Variants in QTRT2 observed in about 807,000 individuals in gnomAD.
QTRT2 encodes queuine tRNA-ribosyltransferase domain containing 1.
A neutral mutation model predicts 44.8 loss-of-function variants in QTRT2; 32 were observed. The ratio of observed to expected loss-of-function variants is 0.71; its 90% CI spans 0.54 to 0.96. The LOEUF (loss-of-function observed/expected upper bound fraction) is 0.96, where lower values mean the gene tolerates loss of function less well. Ranked by LOEUF, QTRT2 falls within the 40% of genes least tolerant of loss-of-function variation. The pLI is 0.00. For synonymous variants in QTRT2, 182 were observed against 187.4 expected (o/e 0.97, Z 0.24); for missense variants, 461 against 503.1 (o/e 0.92, Z 0.80).
Position 114,056,737 on chromosome 3 carries a change from A to T in QTRT2, c.-257A>T. On this transcript the variant is annotated 5_prime_UTR_variant, in exon 1 of 10. Transcript: ENST00000281273. ...TTTTTCTGGCGCCCAGTGATGACGC[A>T]GTACTCCCTGATTGGCTCTGCACTG... 5.8e-6 allele frequency: 8 copies of T among 1,388,344 alleles called. No individual in the cohort carries two copies. Among genetic ancestry groups the T allele is most frequent in the Non-Finnish European group, 6.8e-6 (7 of 1,030,754 alleles). 86.0% of individuals were successfully genotyped at this position (1,388,344 alleles called of 1,614,324 possible).
Position 114,085,849 on chromosome 3 carries a change from T to C in QTRT2, c.1193T>C (p.Leu398Pro), listed in dbSNP as rs1323536761. ...FGFFHYIREALKSDKLAQLKE... is the reference protein window; with the variant it reads ...FGFFHYIREAPKSDKLAQLKE... ...TTTTTCCATTACATCCGGGAAGCACTAAAAAGTGACAAACTGGCACAGTTG... is the reference window on the plus strand; with the variant it reads ...TTTTTCCATTACATCCGGGAAGCACCAAAAAGTGACAAACTGGCACAGTTG... Residue 398 changes from leucine to proline, a missense_variant, in exon 10 of 10, where the codon CTA (leucine) becomes CCA (proline). Physicochemically the swap from Leu to Pro is moderately conservative, Grantham distance 98. Transcript: ENST00000281273. The C allele has an allele frequency of 3.1e-6, 5 of 1,614,156 alleles. No individual in the cohort carries two copies. The highest frequency in any genetic ancestry group is 4.2e-6 in the Non-Finnish European group (5 of 1,180,032).
intron 5 of QTRT2, among the ~76,000 whole-genome samples, chr3:114,069,818 T>C (rs1372430960): frequency 6.6e-5 from 10 of 152,290 alleles, no homozygotes; most frequent in African/African-American, 2.4e-4. Flanking sequence ...GATAGAATAT[T>C]ACTAATATAT....
At chr3:114,063,556 G>T (rs2076915018) in intron 2 of QTRT2, among the ~76,000 whole-genome samples, 1 of 151,844 alleles carries the variant, frequency 6.6e-6, no homozygotes, top group Non-Finnish European at 1.5e-5. Flanking sequence ...GGGTTCTAAT[G>T]ACACTTATTT....
intron 2 of QTRT2, among the ~76,000 whole-genome samples, chr3:114,062,285 C>G (rs1025211156): frequency 4.8e-5 from 7 of 145,622 alleles, no homozygotes; most frequent in Non-Finnish European, 8.9e-5. Context: ...GGGAAGGTTA[C>G]TTGAGCCTGG....
intron 3 of QTRT2, 22 bp from the exon 4 acceptor site, chr3:114,066,206 T>G (rs573837961): frequency 1.3e-6 from 2 of 1,555,026 alleles, no homozygotes; most frequent in South Asian, 2.2e-5. Context: ...TTATGTTATG[T>G]ATTTTTCTGT....
At chr3:114,075,827 ACCTTTT>A (rs898636927) in intron 6 of QTRT2, among the ~76,000 whole-genome samples, 87 of 152,182 alleles carry the variant, frequency 5.7e-4, no homozygotes, top group African/African-American at 2.0e-3. Context: ...AAACTTGTCA[ACCTTTT>A]CCTGTAAGCT....
rs1398008689 is a variant in QTRT2, at chr3:114,071,459, C to T, written c.546+621C>T. Among the ~76,000 whole-genome samples the T allele has an allele frequency of 5.9e-5, 9 of 152,028 alleles. No homozygotes were observed. The East Asian group carries it at 7.7e-4, about 13-fold the overall frequency. ...TATTACAGGCATGCACCATCACACC[C>T]GGCTAATTTTTGTATTTTTAGTAGA... On this transcript the variant is annotated intron_variant, in intron 6 of 9. Coordinates refer to ENST00000281273, the MANE Select transcript of QTRT2 (RefSeq NM_024638.4).
rs983939800 is a variant in QTRT2, at chr3:114,057,975, A to G, written c.-22+869A>G. Among the ~76,000 whole-genome samples, 21 of 152,220 alleles carry G rather than the reference A, an allele frequency of 1.4e-4. No homozygotes were observed. In the South Asian group the frequency reaches 1.7e-3, roughly 12 times the overall value. ...GGAACTTCTAATAAGCTCCCAGCCT[A>G]TTAGAGTACAGCGCTGAAAACTAGA... On this transcript the variant is annotated intron_variant, in intron 2 of 9. Transcript: ENST00000281273.
chr3:114,065,487 C>G lies in QTRT2; in HGVS notation c.200+30C>G, dbSNP rs377097984. On this transcript the variant is annotated intron_variant, in intron 3 of 9. Coordinates refer to ENST00000281273, the MANE Select transcript of QTRT2 (RefSeq NM_024638.4). ...GTGTTAGAACCAATGATTCAAGTAT[C>G]AACTGTGGCAGCAGCTTAGTTACCT... 7 of 1,545,292 alleles carry G rather than the reference C, an allele frequency of 4.5e-6. No homozygotes were observed. The African/African-American group carries it at 9.5e-5, about 21-fold the overall frequency.
chr3:114,080,336 T>G (rs1162774440), intron 8 of QTRT2, among the ~76,000 whole-genome samples: 1 of 152,008 alleles, frequency 6.6e-6, no homozygotes, highest in Non-Finnish European at 1.5e-5. Flanking sequence ...ACATTCAGAG[T>G]GAATTGTGAT....
intron 2 of QTRT2, among the ~76,000 whole-genome samples, chr3:114,063,312 A>G (rs1322142827): frequency 6.6e-6 from 1 of 152,226 alleles, no homozygotes; most frequent in African/African-American, 2.4e-5. Context: ...AAAATATAAA[A>G]TACATTTTTA....
At position 114,085,956 on chromosome 3, in the gene QTRT2, T is replaced by C; in HGVS notation, c.*52T>C. 1 of 1,310,896 alleles carries C rather than the reference T, an allele frequency of 7.6e-7. No homozygotes were observed. The highest frequency in any genetic ancestry group is 1.1e-6 in the Non-Finnish European group (1 of 904,608). The allele number at this position is 1,310,896 out of a possible 1,614,324, so 81.2% of individuals were successfully genotyped here. A position where few individuals can be genotyped will look rare whatever the true frequency, so the allele number is the denominator to read the frequency against. On this transcript the variant is annotated 3_prime_UTR_variant, in exon 10 of 10. Coordinates refer to ENST00000281273, the MANE Select transcript of QTRT2 (RefSeq NM_024638.4). ...TCACACTGAGCCTGTACCACTGTTG[T>C]AACATGGGAAGACGTGAAGAAGAAA...
intron 2 of QTRT2, among the ~76,000 whole-genome samples, chr3:114,064,632 CCA>C (rs1361775125): frequency 6.6e-6 from 1 of 152,100 alleles, no homozygotes; most frequent in Non-Finnish European, 1.5e-5. Context: ...CGTGTATGCT[CCA>C]CACAGTTTCT....
In QTRT2 at chr3:114,087,213, A is replaced by G. The variant is rs1033940155; in HGVS notation, c.*1309A>G. The G allele has an allele frequency of 3.3e-5, 5 of 152,166 alleles. No homozygotes were observed. The highest frequency in any genetic ancestry group is 9.7e-5 in the African/African-American group (4 of 41,428). The allele number at this position is 152,166 out of a possible 1,614,324, so 9.4% of individuals were successfully genotyped here. ...GGGATAAGAAATACATTTGTTTTAT[A>G]CTTCTATGCTATATTTTGCTATTCA... On this transcript the variant is annotated 3_prime_UTR_variant, in exon 10 of 10. Transcript: ENST00000281273.
At chr3:114,073,305 C>G (rs1177767273) in intron 6 of QTRT2, among the ~76,000 whole-genome samples, 1 of 152,080 alleles carries the variant, frequency 6.6e-6, no homozygotes, top group African/African-American at 2.4e-5. Context: ...AGCCTCAAGT[C>G]CCTCATCTGT....
Position 114,085,990 on chromosome 3 carries a change from G to C in QTRT2, c.*86G>C. 2.8e-6 allele frequency: 3 copies of C among 1,059,342 alleles called. No individual in the cohort carries two copies. Among genetic ancestry groups the C allele is most frequent in the Non-Finnish European group, 4.3e-6 (3 of 691,860 alleles). 65.6% of individuals were successfully genotyped at this position (1,059,342 alleles called of 1,614,324 possible). On this transcript the variant is annotated 3_prime_UTR_variant, in exon 10 of 10. Coordinates refer to ENST00000281273, the MANE Select transcript of QTRT2 (RefSeq NM_024638.4). Reference sequence around the variant, plus strand: ...AAGACGTGAAGAAGAAATAATCTGAGCTTTAATTATTTATATTTGGATATA... The same window carrying C: ...AAGACGTGAAGAAGAAATAATCTGACCTTTAATTATTTATATTTGGATATA...
At chr3:114,056,936 C>T (rs1577498232) in intron 1 of QTRT2, 63 bp from the exon 2 acceptor site, 3 of 1,514,912 alleles carry the variant, frequency 2.0e-6, no homozygotes, top group Non-Finnish European at 1.8e-6. Flanking sequence ...CCAGACGCTT[C>T]CTGGTTGTGT....
chr3:114,087,924 G>T lies in QTRT2; in HGVS notation c.*2020G>T, dbSNP rs1340286525. 2 of 152,158 alleles carry T rather than the reference G, an allele frequency of 1.3e-5. No individual in the cohort carries two copies. Among genetic ancestry groups the T allele is most frequent in the Non-Finnish European group, 1.5e-5 (1 of 68,036 alleles). 9.4% of individuals were successfully genotyped at this position (152,158 alleles called of 1,614,324 possible). On this transcript the variant is annotated 3_prime_UTR_variant, in exon 10 of 10. Coordinates refer to ENST00000281273, the MANE Select transcript of QTRT2 (RefSeq NM_024638.4). ...ATTGGGGATTACATTTCAACTTGAG[G>T]TTTGGGCGGGAACAAATAGTCAAAT...
At chr3:114,065,655 C>T (rs910701226) in intron 3 of QTRT2, among the ~76,000 whole-genome samples, 198 bp downstream of exon 3, 21 of 152,194 alleles carry the variant, frequency 1.4e-4, no homozygotes, top group African/African-American at 4.8e-4. Context: ...TATGTTAGAT[C>T]TGCTTCACTT....
Sources: gnomAD v4.1 joint callset for allele counts (sites outside exome capture counted in the v4.1 genomes callset) on GRCh38, gnomAD v4.1.1 for gene constraint, MANE v1.5 for transcripts, NCBI Gene and HGNC (gene_info 2026-07-23, HGNC 2026-07-21) for gene names.